The following PLXNA2 variants were observed in gnomAD, a reference collection of about 807,000 sequenced individuals.
PLXNA2 encodes the protein plexin-A2.
PLXNA2 carries 91 observed loss-of-function variants against 193.5 expected under a neutral mutation model. The ratio of observed to expected loss-of-function variants is 0.47; its 90% CI spans 0.40 to 0.56. The LOEUF is 0.56. Ranked by LOEUF, PLXNA2 falls within the 20% of genes least tolerant of loss-of-function variation. The probability of loss-of-function intolerance (pLI) is 0.00; values close to 1 mark genes in which losing one functional copy is unlikely to be tolerated. For synonymous variants in PLXNA2, 997 were observed against 1,027.3 expected (o/e 0.97, Z 0.56); for missense variants, 1,995 against 2,503.2 (o/e 0.80, Z 4.33).
At chr1:208,150,937 C>T (rs1284410534) in intron 3 of PLXNA2, among the ~76,000 whole-genome samples, 2 of 152,218 alleles carry the variant, frequency 1.3e-5, no homozygotes, top group Admixed American at 1.3e-4. Flanking sequence ...AGGTGAATTA[C>T]ACTGGGTGAT....
intron 31 of PLXNA2, 134 bp downstream of exon 31, chr1:208,027,875 G>A (rs1664386974): frequency 2.8e-6 from 2 of 716,994 alleles, no homozygotes; most frequent in Non-Finnish European, 4.3e-6. Context: ...GCCTCATAAA[G>A]GAATGATAAT....
At chr1:208,066,274 G>A (rs1250754244) in intron 12 of PLXNA2, among the ~76,000 whole-genome samples, 3 of 152,248 alleles carry the variant, frequency 2.0e-5, no homozygotes, top group African/African-American at 7.2e-5. Context: ...GCAGCCTGCT[G>A]CTGTTGGGTT....
rs1236537863 is a variant in PLXNA2 at position 208,028,748 on chromosome 1, G to T, written c.5438+82C>A. On this transcript the variant is annotated intron_variant, in intron 30 of 31. Coordinates refer to ENST00000367033, the MANE Select transcript of PLXNA2 (RefSeq NM_025179.4). The surrounding 1 kb of genome is among the most constrained non-coding windows in gnomAD (Gnocchi z 4.2). Reference sequence around the variant, plus strand: ...GAAGAGATGACAGACACCGTCGTCTGAGTCCTTAGTCAGTGATGACTATAG... The same window carrying T: ...GAAGAGATGACAGACACCGTCGTCTTAGTCCTTAGTCAGTGATGACTATAG... The T allele has an allele frequency of 6.2e-6, 8 of 1,286,322 alleles. No individual in the cohort carries two copies. The East Asian group carries it at 1.9e-4, about 30-fold the overall frequency. The allele number at this position is 1,286,322 out of a possible 1,614,324, so 79.7% of individuals were successfully genotyped here.
At chr1:208,060,887 A>G in intron 12 of PLXNA2, 50 bp from the exon 13 acceptor site, 1 of 1,579,448 alleles carries the variant, frequency 6.3e-7, no homozygotes, top group South Asian at 1.1e-5. Context: ...CAGGAACAGA[A>G]ACAGCAGCAC....
At chr1:208,240,624 G>C (rs553470156) in intron 1 of PLXNA2, among the ~76,000 whole-genome samples, 4 of 151,976 alleles carry the variant, frequency 2.6e-5, no homozygotes, top group African/African-American at 7.3e-5. Context: ...TGGGGCTGAG[G>C]GGGGAACGCA....
At chr1:208,215,708 G>T (rs1400815884) in intron 2 of PLXNA2, among the ~76,000 whole-genome samples, 1 of 151,924 alleles carries the variant, frequency 6.6e-6, no homozygotes, top group Non-Finnish European at 1.5e-5. Flanking sequence ...ATGGATAGGA[G>T]AATAAAAGGA....
At chr1:208,065,547 T>C (rs1665763945) in intron 12 of PLXNA2, among the ~76,000 whole-genome samples, 1 of 152,212 alleles carries the variant, frequency 6.6e-6, no homozygotes, top group Admixed American at 6.5e-5. Flanking sequence ...TCCCTGCACC[T>C]CTGTCTTCCT....
At position 208,038,501 on chromosome 1, in the gene PLXNA2, C is replaced by T. The variant is rs113474203; in HGVS notation, c.4661-27G>A. On this transcript the variant is annotated intron_variant, in intron 25 of 31. Coordinates refer to ENST00000367033, the MANE Select transcript of PLXNA2 (RefSeq NM_025179.4). The surrounding 1 kb of genome is among the most constrained non-coding windows in gnomAD (Gnocchi z 4.1). ...TGGGTGGAGGGGGTGGTGCAGGGAG[C>T]GGCGTGAGAGGGATGAGGGCTGTGA... 51 of 1,563,204 alleles carry T rather than the reference C, an allele frequency of 3.3e-5. 2 individuals carry two copies. Among genetic ancestry groups the T allele is most frequent in the African/African-American group, 2.3e-4 (17 of 74,052 alleles).
intron 3 of PLXNA2, among the ~76,000 whole-genome samples, chr1:208,162,818 A>G (rs1669174383): frequency 6.6e-6 from 1 of 152,180 alleles, no homozygotes; most frequent in Non-Finnish European, 1.5e-5. Flanking sequence ...GAACAGAGCC[A>G]GGTTTTGAGC....
intron 3 of PLXNA2, among the ~76,000 whole-genome samples, chr1:208,207,125 C>T (rs184609877): frequency 2.5e-4 from 38 of 152,356 alleles, no homozygotes; most frequent in African/African-American, 7.0e-4. Flanking sequence ...CCCACCTCAG[C>T]CTCCCAAGTG....
chr1:208,158,618 C>T (rs572399160), intron 3 of PLXNA2, among the ~76,000 whole-genome samples: 1 of 152,218 alleles, frequency 6.6e-6, no homozygotes, highest in African/African-American at 2.4e-5. Flanking sequence ...TTAAAAGGAA[C>T]ACCCCCCAAC....
intron 4 of PLXNA2, among the ~76,000 whole-genome samples, chr1:208,121,672 C>A (rs1335637239): frequency 1.3e-5 from 2 of 152,110 alleles, no homozygotes; most frequent in Admixed American, 1.3e-4. Context: ...TCAATTAAAC[C>A]TCCTTTCTTT....
chr1:208,164,635 AAC>A (rs1427722157), intron 3 of PLXNA2, among the ~76,000 whole-genome samples: 1 of 152,228 alleles, frequency 6.6e-6, no homozygotes, highest in East Asian at 1.9e-4. Context: ...CATCTTTGAA[AAC>A]ACCTAAGATA....
At chr1:208,126,239 C>T (rs1399226994) in intron 4 of PLXNA2, among the ~76,000 whole-genome samples, 1 of 152,172 alleles carries the variant, frequency 6.6e-6, no homozygotes, top group East Asian at 1.9e-4. Flanking sequence ...CTGCAGAAAT[C>T]TGTTAGACCC....
intron 4 of PLXNA2, among the ~76,000 whole-genome samples, chr1:208,110,631 TC>T (rs1413702915): frequency 2.0e-5 from 3 of 152,216 alleles, no homozygotes; most frequent in African/African-American, 7.2e-5. Context: ...GTATTCTTAG[TC>T]CCATTTTACC....
Position 208,044,600 on chromosome 1 carries a change from T to A in PLXNA2, c.3782A>T (p.Lys1261Met). Residue 1261 changes from lysine (K) to methionine (M), a missense_variant, in exon 20 of 32, where the codon AAG becomes ATG. Physicochemically the swap from Lys to Met is moderately conservative, Grantham distance 95 (BLOSUM62 -1). Transcript: ENST00000367033. This position sits in a 1 kb window ranked among gnomAD's most constrained non-coding sequence, Gnocchi z 4.9. The stretch of plus-strand genomic sequence containing the variant: ...GAGGTCATTTTCTCGAGACTTGCGC[T>A]TGTAGGCAATGAGGACGATGATGAC... ...IIVIIVLIAY[K>M]RKSRENDLTL... 6.2e-7 allele frequency: 1 copy of A among 1,614,112 alleles called. No individual in the cohort carries two copies. Among genetic ancestry groups the A allele is most frequent in the Non-Finnish European group, 8.5e-7 (1 of 1,180,006 alleles).
At chr1:208,192,634 C>A (rs1670218620) in intron 3 of PLXNA2, among the ~76,000 whole-genome samples, 1 of 152,000 alleles carries the variant, frequency 6.6e-6, no homozygotes, top group African/African-American at 2.4e-5. Context: ...TGCCTGTAAT[C>A]CCAGCACTTT....
At chr1:208,053,278 C>T (rs841864) in intron 14 of PLXNA2, among the ~76,000 whole-genome samples, 146,886 of 152,294 alleles carry the variant, frequency 0.96, 71,082 homozygotes, top group Middle Eastern at 1. Context: ...CATTCTTTAC[C>T]CCTCTGTCAA....
chr1:208,069,421 G>A lies in PLXNA2; in HGVS notation c.2587-8584C>T, dbSNP rs114875744. The stretch of plus-strand genomic sequence containing the variant: ...GGGTGCCATGACCTGGAAAGCAGCC[G>A]CGGTGATGCTGCACCCGACCTCATT... On this transcript the variant is annotated intron_variant, in intron 12 of 31. Coordinates refer to ENST00000367033, the MANE Select transcript of PLXNA2 (RefSeq NM_025179.4). 4.0e-3 allele frequency among the ~76,000 whole-genome samples: 615 copies of A among 152,326 alleles called. 5 individuals carry two copies. Among genetic ancestry groups the A allele is most frequent in the African/African-American group, 0.015 (603 of 41,566 alleles).
Sources: allele counts gnomAD v4.1 joint callset (sites outside exome capture counted in the v4.1 genomes callset), GRCh38; gene constraint gnomAD v4.1.1; non-coding constraint Gnocchi (gnomAD v3.1); transcripts MANE v1.5; gene names NCBI Gene and HGNC (gene_info 2026-07-23, HGNC 2026-07-21).